The following MCC variants were observed in gnomAD, a reference collection of about 807,000 sequenced individuals.
MCC encodes the protein colorectal mutant cancer protein.
Under a neutral mutation model 116.2 loss-of-function variants are expected in MCC, and 90 were observed. That is an observed-to-expected ratio of 0.77 (90% CI 0.65 to 0.92). The LOEUF (loss-of-function observed/expected upper bound fraction) is 0.92. Among genes scored for constraint, MCC ranks in the 40% least tolerant of loss-of-function variants. The pLI is 0.00. For synonymous variants in MCC, 578 were observed against 510.5 expected (o/e 1.13, Z -1.78); for missense variants, 1,516 against 1,312.2 (o/e 1.16, Z -2.40).
At chr5:113,422,406 C>T (rs192589233) in intron 1 of MCC, among the ~76,000 whole-genome samples, 9 of 151,880 alleles carry the variant, frequency 5.9e-5, no homozygotes, top group Non-Finnish European at 1.3e-4. Flanking sequence ...TATTTGTTTA[C>T]AAGCTTCTAT....
intron 2 of MCC, among the ~76,000 whole-genome samples, chr5:113,345,267 A>G (rs914243466): frequency 3.6e-4 from 54 of 151,120 alleles, no homozygotes; most frequent in Middle Eastern, 3.4e-3. Flanking sequence ...GGTAGATTTT[A>G]CGTTTTTTTT....
chr5:113,211,205 G>A (rs949817410), intron 3 of MCC, among the ~76,000 whole-genome samples: 1 of 152,142 alleles, frequency 6.6e-6, no homozygotes, highest in Non-Finnish European at 1.5e-5. Flanking sequence ...CAGAGAGCTC[G>A]CTTGTCCCTT....
chr5:113,087,492 T>C (rs536740989), intron 8 of MCC, among the ~76,000 whole-genome samples: 12 of 152,156 alleles, frequency 7.9e-5, no homozygotes, highest in African/African-American at 2.7e-4. Context: ...AAACCAAAAA[T>C]GGGTACAGGG....
intron 1 of MCC, among the ~76,000 whole-genome samples, chr5:113,405,424 C>T (rs1189878898): frequency 6.6e-6 from 1 of 152,150 alleles, no homozygotes; most frequent in Non-Finnish European, 1.5e-5. Flanking sequence ...TTTTCACTCT[C>T]CAAATTTTGT....
chr5:113,061,177 G>A (rs1356986381), intron 14 of MCC, among the ~76,000 whole-genome samples: 1 of 152,206 alleles, frequency 6.6e-6, no homozygotes, highest in African/African-American at 2.4e-5. Context: ...GCTACCTGGA[G>A]GTACCTAGAG....
intron 1 of MCC, among the ~76,000 whole-genome samples, chr5:113,454,285 T>G (rs1206876327): frequency 1.3e-5 from 2 of 152,320 alleles, no homozygotes; most frequent in South Asian, 2.1e-4. Context: ...TTATATTTTT[T>G]GTAGAGACAG....
At chr5:113,278,825 A>T (rs1765927509) in intron 3 of MCC, among the ~76,000 whole-genome samples, 1 of 152,234 alleles carries the variant, frequency 6.6e-6, no homozygotes, top group Non-Finnish European at 1.5e-5. Context: ...CAAAGTGCTT[A>T]GCACAGCTGA....
intron 1 of MCC, among the ~76,000 whole-genome samples, chr5:113,444,627 C>T (rs889554472): frequency 6.6e-6 from 1 of 152,174 alleles, no homozygotes; most frequent in South Asian, 2.1e-4. Context: ...AATGCTTAGT[C>T]TCATTACTAG....
intron 8 of MCC, among the ~76,000 whole-genome samples, chr5:113,086,380 A>C (rs1021655462): frequency 1.3e-5 from 2 of 152,192 alleles, no homozygotes; most frequent in Non-Finnish European, 2.9e-5. Context: ...GTGTTTTAGC[A>C]GAAGTGTCTG....
intron 17 of MCC, among the ~76,000 whole-genome samples, chr5:113,037,725 C>T (rs1172772892): frequency 3.3e-5 from 5 of 151,900 alleles, no homozygotes; most frequent in African/African-American, 4.8e-5. Context: ...CAGAGAATAG[C>T]GGGAAGATAC....
chr5:113,429,324 GGGA>G, intron 1 of MCC, among the ~76,000 whole-genome samples: 1 of 152,272 alleles, frequency 6.6e-6, no homozygotes, highest in Non-Finnish European at 1.5e-5. Context: ...TGAGGGCACA[GGGA>G]GAAGGTGGGT....
intron 2 of MCC, among the ~76,000 whole-genome samples, chr5:113,351,695 T>G (rs532289873): frequency 6.6e-6 from 1 of 152,296 alleles, no homozygotes; most frequent in South Asian, 2.1e-4. Flanking sequence ...GAAGAGAGTA[T>G]AACTGGATTG....
chr5:113,410,310 T>C (rs903730190), intron 1 of MCC, among the ~76,000 whole-genome samples: 35 of 152,250 alleles, frequency 2.3e-4, no homozygotes, highest in Admixed American at 2.0e-3. Context: ...ATGGATACAA[T>C]GGATATCCAC....
chr5:113,032,835 A>G (rs1410458132), intron 17 of MCC, among the ~76,000 whole-genome samples: 1 of 152,244 alleles, frequency 6.6e-6, no homozygotes, highest in Non-Finnish European at 1.5e-5. Context: ...GGCCACAAGA[A>G]TGACCTCTAA....
At chr5:113,045,152 G>C (rs1457771867) in intron 16 of MCC, among the ~76,000 whole-genome samples, 1 of 152,058 alleles carries the variant, frequency 6.6e-6, no homozygotes, top group African/African-American at 2.4e-5. Context: ...TTAACATTTC[G>C]TGAGACTCCT....
chr5:113,147,986 C>T lies in MCC; in HGVS notation c.741+3323G>A, dbSNP rs563715504. 1.7e-4 allele frequency among the ~76,000 whole-genome samples: 26 copies of T among 152,288 alleles called. No individual in the cohort carries two copies. The South Asian group carries it at 3.1e-3, about 18-fold the overall frequency. On this transcript the variant is annotated intron_variant, in intron 4 of 18. Coordinates refer to ENST00000408903, the MANE Select transcript of MCC (RefSeq NM_001085377.2). ...TTGTTTTCCAAAGATAAGGAGCTTACGAAGTATTCCACATTACTGCTCACC... is the reference window on the plus strand; with the variant it reads ...TTGTTTTCCAAAGATAAGGAGCTTATGAAGTATTCCACATTACTGCTCACC...
chr5:113,068,153 G>T lies in MCC; in HGVS notation c.1956C>A (p.Leu652=). The T allele has an allele frequency of 1.9e-6, 3 of 1,614,164 alleles. No individual in the cohort carries two copies. Among genetic ancestry groups the T allele is most frequent in the Non-Finnish European group, 2.5e-6 (3 of 1,180,008 alleles). The change falls in exon 13 of 19, where the codon CTC becomes CTA. Residue 652 remains leucine, a synonymous_variant. Transcript: ENST00000408903. ...TCTGCTCACTCTCTGCCAGCGCCAG[G>T]AGGAGTTCGTAGGCTTCGATGCACT... ...SEQCIEAYEL[L]LALAESEQSL...
chr5:113,467,939 T>C (rs938434429), intron 1 of MCC, among the ~76,000 whole-genome samples: 1 of 152,224 alleles, frequency 6.6e-6, no homozygotes, highest in African/African-American at 2.4e-5. Flanking sequence ...TTATTCTCTT[T>C]GAAGCAATTG....
chr5:113,485,543 T>C (rs1772496953), intron 1 of MCC, among the ~76,000 whole-genome samples: 2 of 152,226 alleles, frequency 1.3e-5, no homozygotes, highest in South Asian at 2.1e-4. Context: ...GCACAACTTA[T>C]TTCCACTTCC....
Sources: gnomAD v4.1 joint callset for allele counts (sites outside exome capture counted in the v4.1 genomes callset) on GRCh38, gnomAD v4.1.1 for gene constraint, MANE v1.5 for transcripts, NCBI Gene and HGNC (gene_info 2026-07-23, HGNC 2026-07-21) for gene names.